ADCY9: variants seen among roughly 807,000 people sequenced by gnomAD.
ADCY9 encodes adenylate cyclase 9, also known as adenylate cyclase type 9.
In ADCY9, 50 loss-of-function variants were observed where a neutral mutation model predicts 101.5. The observed-to-expected ratio is 0.49, with a 90% CI of 0.39 to 0.62. The LOEUF (loss-of-function observed/expected upper bound fraction) is 0.62. Among genes scored for constraint, ADCY9 ranks in the 20% least tolerant of loss-of-function variants. The pLI is 0.00. For missense variants in ADCY9, 1,662 were observed against 1,800.4 expected (o/e 0.92, Z 1.39); for synonymous variants, 905 against 769.3 (o/e 1.18, Z -2.92).
At chr16:4,063,073 T>A (rs2056781795) in intron 2 of ADCY9, among the ~76,000 whole-genome samples, 1 of 152,186 alleles carries the variant, frequency 6.6e-6, no homozygotes. Context: ...CATATCGCAT[T>A]GTCTAGAATG....
chr16:4,045,619 A>AAAAAC (rs57069702), intron 2 of ADCY9, among the ~76,000 whole-genome samples: 1 of 148,372 alleles, frequency 6.7e-6, no homozygotes, highest in Non-Finnish European at 1.5e-5. Context: ...AAAAAAAAAA[A>AAAAAC]GAGCCAAATA....
intron 2 of ADCY9, among the ~76,000 whole-genome samples, chr16:4,047,709 C>T (rs965756182): frequency 2.0e-5 from 3 of 152,192 alleles, no homozygotes; most frequent in African/African-American, 7.2e-5. Flanking sequence ...CATGACCAAT[C>T]AGGTCCTTCG....
chr16:4,103,845 GA>G (rs751289525), intron 2 of ADCY9, among the ~76,000 whole-genome samples: 2 of 151,732 alleles, frequency 1.3e-5, no homozygotes, highest in South Asian at 4.2e-4. Context: ...ACAGAAAAAA[GA>G]AAAAAAAGAA....
chr16:4,106,944 A>C (rs1025448174), intron 2 of ADCY9, among the ~76,000 whole-genome samples: 2 of 152,198 alleles, frequency 1.3e-5, no homozygotes, highest in Admixed American at 6.5e-5. Context: ...TAGGCATTCT[A>C]CCTGAAAAGA....
intron 2 of ADCY9, among the ~76,000 whole-genome samples, chr16:4,087,643 A>G (rs2056947857): frequency 6.6e-6 from 1 of 151,526 alleles, no homozygotes; most frequent in African/African-American, 2.4e-5. Context: ...GGGCATAAAC[A>G]CTCAGTCCCT....
At chr16:3,993,027 T>C (rs1037177879) in intron 4 of ADCY9, among the ~76,000 whole-genome samples, 1 of 151,902 alleles carries the variant, frequency 6.6e-6, no homozygotes, top group Non-Finnish European at 1.5e-5. Context: ...ACTCCCAACC[T>C]CTCTCTTCAC....
intron 2 of ADCY9, among the ~76,000 whole-genome samples, chr16:4,040,693 G>A (rs1051505285): frequency 2.6e-5 from 4 of 152,094 alleles, no homozygotes; most frequent in African/African-American, 9.7e-5. Flanking sequence ...CTGACCTCAG[G>A]TGATCCACCC....
At chr16:4,057,927 G>T (rs763644355) in intron 2 of ADCY9, among the ~76,000 whole-genome samples, 10 of 152,176 alleles carry the variant, frequency 6.6e-5, no homozygotes, top group Non-Finnish European at 1.5e-4. Context: ...GGGAGGCCAA[G>T]GTGGGCAGAT....
intron 3 of ADCY9, among the ~76,000 whole-genome samples, chr16:4,004,939 G>T (rs118150832): frequency 6.6e-6 from 1 of 152,204 alleles, no homozygotes; most frequent in East Asian, 1.9e-4. Context: ...TTCAGGGAAC[G>T]TTTCCTGAAC....
intron 2 of ADCY9, among the ~76,000 whole-genome samples, chr16:4,046,797 G>T (rs915498803): frequency 6.6e-6 from 1 of 152,038 alleles, no homozygotes; most frequent in East Asian, 1.9e-4. Context: ...TTCGAGACCA[G>T]CCTGGGCAAC....
At chr16:3,955,391 A>T (rs935431870) in intron 5 of ADCY9, among the ~76,000 whole-genome samples, 3 of 152,194 alleles carry the variant, frequency 2.0e-5, no homozygotes, top group South Asian at 4.1e-4. Context: ...GTTGCACCTT[A>T]TCTTCTTAGC....
At chr16:4,003,516 G>A (rs546965042) in intron 3 of ADCY9, among the ~76,000 whole-genome samples, 26 of 151,706 alleles carry the variant, frequency 1.7e-4, no homozygotes, top group African/African-American at 5.6e-4. Context: ...CACTGAAGAG[G>A]AAAACTCTCA....
At chr16:4,108,504 G>A (rs1477058484) in intron 2 of ADCY9, among the ~76,000 whole-genome samples, 1 of 149,938 alleles carries the variant, frequency 6.7e-6, no homozygotes, top group East Asian at 2.0e-4. Context: ...TTCCCAAGTG[G>A]CTGGGACTAA....
At chr16:4,051,499 G>A (rs910759402) in intron 2 of ADCY9, among the ~76,000 whole-genome samples, 1 of 151,218 alleles carries the variant, frequency 6.6e-6, no homozygotes, top group Non-Finnish European at 1.5e-5. Flanking sequence ...ACTCCCACCT[G>A]GGCAACAGAG....
chr16:4,111,238 G>A lies in ADCY9; in HGVS notation c.1693+2512C>T, dbSNP rs143399909. On this transcript the variant is annotated intron_variant, in intron 2 of 10. Transcript: ENST00000294016. ...TTTTAACCCTGGGATCAGAAAAGGGGGTAAGAGGGAAAGGCTAATACACCC... is the reference window on the plus strand; with the variant it reads ...TTTTAACCCTGGGATCAGAAAAGGGAGTAAGAGGGAAAGGCTAATACACCC... 1.5e-3 allele frequency among the ~76,000 whole-genome samples: 228 copies of A among 152,194 alleles called. 1 individual carries two copies. Among genetic ancestry groups the A allele is most frequent in the African/African-American group, 4.8e-3 (201 of 41,504 alleles).
chr16:3,978,219 G>A (rs975657506), intron 8 of ADCY9, among the ~76,000 whole-genome samples: 1 of 152,194 alleles, frequency 6.6e-6, no homozygotes, highest in Non-Finnish European at 1.5e-5. Flanking sequence ...TCGTGGAAAG[G>A]AAAGGGAGGC....
chr16:4,047,806 G>A (rs1005013347), intron 2 of ADCY9, among the ~76,000 whole-genome samples: 14 of 152,168 alleles, frequency 9.2e-5, no homozygotes, highest in African/African-American at 1.7e-4. Context: ...TGATCCGCCC[G>A]CCTCGGCCTC....
Position 3,983,297 on chromosome 16 carries a change from G to A in ADCY9, c.2454C>T (p.Pro818=), listed in dbSNP as rs754018629. 96 of 1,561,916 alleles carry A rather than the reference G, an allele frequency of 6.1e-5. No homozygotes were observed. Among genetic ancestry groups the A allele is most frequent in the Non-Finnish European group, 6.4e-5 (74 of 1,153,544 alleles). The stretch of plus-strand genomic sequence containing the variant: ...CTGCACTGAAGACCGCCAGGGCGGC[G>A]GGCGGGGGAGGCACGGTGGCCGCCT... ...KYEAATVPPP[P]AALAVFSAAL... Residue 818 remains proline (P), a synonymous_variant, in exon 7 of 11, where the codon CCC becomes CCT. Transcript: ENST00000294016.
intron 2 of ADCY9, among the ~76,000 whole-genome samples, chr16:4,082,614 GCA>G (rs1305926274): frequency 6.7e-6 from 1 of 149,676 alleles, no homozygotes; most frequent in East Asian, 2.0e-4. Context: ...ATGCAAGCAC[GCA>G]CACACACATG....
Sources: gnomAD v4.1 joint callset for allele counts (sites outside exome capture counted in the v4.1 genomes callset) on GRCh38, gnomAD v4.1.1 for gene constraint, MANE v1.5 for transcripts, NCBI Gene and HGNC (gene_info 2026-07-23, HGNC 2026-07-21) for gene names.